Variants in STK11 observed in about 807,000 individuals in gnomAD.
STK11 encodes the protein serine/threonine kinase 11.
STK11 carries 8 observed loss-of-function variants against 47.3 expected under a neutral mutation model. That is an observed-to-expected ratio of 0.17 (90% CI 0.10 to 0.31). The LOEUF (loss-of-function observed/expected upper bound fraction) is 0.31. Ranked by LOEUF, STK11 falls within the 10% of genes least tolerant of loss-of-function variation. STK11 has a pLI of 1.00. For missense variants in STK11, 475 were observed against 605.0 expected (o/e 0.79, Z 2.25); for synonymous variants, 330 against 255.8 (o/e 1.29, Z -2.77).
At chr19:1,221,780 C>A in intron 6 of STK11, 169 bp from the exon 7 acceptor site, 1 of 721,632 alleles carries the variant, frequency 1.4e-6, no homozygotes, top group Non-Finnish European at 2.3e-6. Context: ...CCCGGCATGT[C>A]CCAGGAGTGG....
chr19:1,216,000 C>T (rs926040902), intron 1 of STK11, among the ~76,000 whole-genome samples: 6 of 151,710 alleles, frequency 4.0e-5, no homozygotes, highest in South Asian at 2.1e-4. Context: ...CCCATAGTGT[C>T]GGGATTACAG....
chr19:1,207,036 G>A lies in STK11; in HGVS notation c.123G>A (p.Lys41=), dbSNP rs761762690. The A allele has an allele frequency of 6.2e-7, 1 of 1,613,874 alleles. No homozygotes were observed. The highest frequency in any genetic ancestry group is 8.5e-7 in the Non-Finnish European group (1 of 1,179,880). Residue 41 remains lysine (K), a synonymous_variant, in exon 1 of 10, where the codon AAG becomes AAA. Transcript: ENST00000326873. The part of the protein sequence containing the change: ...STEVIYQPRR[K]RAKLIGKYLM... ...AGGTCATCTACCAGCCGCGCCGCAA[G>A]CGGGCCAAGCTCATCGGCAAGTACC...
intron 1 of STK11, among the ~76,000 whole-genome samples, chr19:1,211,603 C>T (rs1322201204): frequency 6.6e-6 from 1 of 152,226 alleles, no homozygotes; most frequent in African/African-American, 2.4e-5. Flanking sequence ...CACAGCCTGG[C>T]GGTGTCCCAC....
chr19:1,221,046 C>T (rs375415926), intron 5 of STK11, among the ~76,000 whole-genome samples, 167 bp from the exon 6 acceptor site: 3 of 152,280 alleles, frequency 2.0e-5, no homozygotes, highest in South Asian at 2.1e-4. Context: ...CCTCCTACCC[C>T]GTAGCCTCCA....
chr19:1,226,844 C>A, intron 9 of STK11, 181 bp downstream of exon 9: 5 of 745,010 alleles, frequency 6.7e-6, no homozygotes, highest in Non-Finnish European at 1.0e-5. Flanking sequence ...CGTCTCGGGG[C>A]CTGGTGTCTG....
chr19:1,223,282 C>A, intron 8 of STK11, 110 bp downstream of exon 8: 2 of 1,304,462 alleles, frequency 1.5e-6, no homozygotes, highest in Non-Finnish European at 2.1e-6. Context: ...CTCTGGTGGC[C>A]AATCCCACGT....
rs918585243 is a variant in STK11, at chr19:1,223,584, G to A, written c.1108+412G>A. On this transcript the variant is annotated intron_variant, in intron 8 of 9. Transcript: ENST00000326873. ...AGAGGGTCCAGTGGCCCTCCCTCCC[G>A]TCGTCCCTGAGGCCTGCCCGCTGGC... 39 of 1,084,374 alleles carry A rather than the reference G, an allele frequency of 3.6e-5. 1 individual carries two copies. Among genetic ancestry groups the A allele is most frequent in the Admixed American group, 4.7e-5 (1 of 21,266 alleles). The allele number at this position is 1,084,374 out of a possible 1,614,324, so 67.2% of individuals were successfully genotyped here. A position where few individuals can be genotyped will look rare whatever the true frequency, so the allele number is the denominator to read the frequency against.
intron 9 of STK11, 78 bp downstream of exon 9, chr19:1,226,741 G>A (rs997423152): frequency 1.5e-5 from 21 of 1,409,474 alleles, no homozygotes; most frequent in Admixed American, 2.8e-5. Context: ...CATAGCCCGC[G>A]CTAGTCAGTC....
At chr19:1,222,101 G>A in intron 7 of STK11, 95 bp downstream of exon 7, 1 of 1,437,044 alleles carries the variant, frequency 7.0e-7, no homozygotes, top group Non-Finnish European at 9.5e-7. Context: ...GCGTGGTGGG[G>A]GTGCCAGGCT....
At chr19:1,214,516 T>C (rs2080732609) in intron 1 of STK11, among the ~76,000 whole-genome samples, 1 of 152,192 alleles carries the variant, frequency 6.6e-6, no homozygotes, top group Non-Finnish European at 1.5e-5. Context: ...TTTCCCCATC[T>C]GTAGAATGAT....
rs866183878 is a variant in STK11, at chr19:1,227,929, C to A, written c.*353C>A. 632 of 1,070,060 alleles carry A rather than the reference C, an allele frequency of 5.9e-4. No individual in the cohort carries two copies. Among genetic ancestry groups the A allele is most frequent in the South Asian group, 1.5e-3 (34 of 22,024 alleles). 66.3% of individuals were successfully genotyped at this position (1,070,060 alleles called of 1,614,324 possible). A position where few individuals can be genotyped will look rare whatever the true frequency, so the allele number is the denominator to read the frequency against. On this transcript the variant is annotated 3_prime_UTR_variant, in exon 10 of 10. Coordinates refer to ENST00000326873, the MANE Select transcript of STK11 (RefSeq NM_000455.5). ...GCTCCGCAGGGCGCCCAGCGCCGTC[C>A]GGCGGCCCCGCCGCAGACCAGCTGG... is the stretch of plus-strand genomic sequence containing the variant.
chr19:1,213,458 A>T (rs147126215), intron 1 of STK11, among the ~76,000 whole-genome samples: 107 of 152,198 alleles, frequency 7.0e-4, no homozygotes, highest in Middle Eastern at 6.8e-3. Flanking sequence ...CCCGGCACCC[A>T]CGCATTCCCT....
In STK11 at chr19:1,206,368, G is replaced by A. The variant is rs886054207; in HGVS notation, c.-546G>A. 3.0e-5 allele frequency: 7 copies of A among 232,174 alleles called. No individual in the cohort carries two copies. The highest frequency in any genetic ancestry group is 1.1e-4 in the Admixed American group (2 of 17,738). 14.4% of individuals were successfully genotyped at this position (232,174 alleles called of 1,614,324 possible). On this transcript the variant is annotated 5_prime_UTR_variant, in exon 1 of 10. Coordinates refer to ENST00000326873, the MANE Select transcript of STK11 (RefSeq NM_000455.5). ...TCCGCGGCGGAGCGTTTGCTCCTGG[G>A]ACAGGCGGTGGGACCGGGGCGTCGC...
intron 1 of STK11, among the ~76,000 whole-genome samples, chr19:1,211,285 C>T (rs1023056969): frequency 6.6e-6 from 1 of 152,058 alleles, no homozygotes; most frequent in African/African-American, 2.4e-5. Flanking sequence ...AATTGTGTCT[C>T]AAAAAAACAA....
chr19:1,226,476 C>T lies in STK11; in HGVS notation c.1131C>T (p.Ala377=), dbSNP rs1382505031. The change falls in exon 9 of 10, where the codon GCC becomes GCT. Residue 377 remains alanine, a synonymous_variant. Coordinates refer to ENST00000326873, the MANE Select transcript of STK11 (RefSeq NM_000455.5). ...TVPGQVPEEE[A]SHNGQRRGLP... ...CAGGACAGGTCCCAGAAGAGGAGGC[C>T]AGTCACAATGGACAGCGCCGGGGCC... The T allele has an allele frequency of 1.2e-6, 2 of 1,611,250 alleles. No homozygotes were observed. The highest frequency in any genetic ancestry group is 1.7e-6 in the Non-Finnish European group (2 of 1,179,390).
chr19:1,225,691 G>C, intron 8 of STK11: 1 of 985,636 alleles, frequency 1.0e-6, no homozygotes, highest in Non-Finnish European at 1.2e-6. Flanking sequence ...CTGGGCACAT[G>C]AGCTCTGGGG....
Position 1,220,736 on chromosome 19 carries a change from C to G in STK11, c.734+19C>G, listed in dbSNP as rs372338167. 6.3e-7 allele frequency: 1 copy of G among 1,599,534 alleles called. No individual in the cohort carries two copies. The highest frequency in any genetic ancestry group is 1.7e-5 in the Admixed American group (1 of 59,326). ...TCACCCTGTAAGTGCCCCGCCCCCC[C>G]GGGCACTCACCACACGCACACTCCG... On this transcript the variant is annotated intron_variant, in intron 5 of 9. Transcript: ENST00000326873.
In STK11 at chr19:1,219,345, C is replaced by T. The variant is rs730881969; in HGVS notation, c.396C>T (p.Cys132=). 8 of 1,567,794 alleles carry T rather than the reference C, an allele frequency of 5.1e-6. No homozygotes were observed. The highest frequency in any genetic ancestry group is 6.0e-6 in the Non-Finnish European group (7 of 1,157,696). ...CCACGTATATGGTGATGGAGTACTG[C>T]GTGTGTGGCATGCAGGAAATGCTGG... ...KQKMYMVMEY[C]VCGMQEMLDS... The change falls in exon 3 of 10, where the codon TGC becomes TGT. Residue 132 remains cysteine, a synonymous_variant. Coordinates refer to ENST00000326873, the MANE Select transcript of STK11 (RefSeq NM_000455.5).
At chr19:1,223,972 GAA>G (rs2080803963) in intron 8 of STK11, 1 of 1,010,038 alleles carries the variant, frequency 9.9e-7, no homozygotes, top group African/African-American at 1.7e-5. Flanking sequence ...GCCGGCCTGA[GAA>G]GGGGGGTACG....
Sources: gnomAD v4.1 joint callset for allele counts (sites outside exome capture counted in the v4.1 genomes callset) on GRCh38, gnomAD v4.1.1 for gene constraint, MANE v1.5 for transcripts, NCBI Gene and HGNC (gene_info 2026-07-23, HGNC 2026-07-21) for gene names.